TMEM65: variants seen among roughly 807,000 people sequenced by gnomAD.
TMEM65 encodes transmembrane protein 65.
Under a neutral mutation model 25.4 loss-of-function variants are expected in TMEM65, and 22 were observed. The observed-to-expected ratio is 0.86, with a 90% CI of 0.62 to 1.23. The LOEUF (loss-of-function observed/expected upper bound fraction) is 1.23. Among genes scored for constraint, TMEM65 ranks in the 50% most tolerant of loss-of-function variants. The probability of loss-of-function intolerance (pLI) is 0.00; values close to 1 mark genes in which losing one functional copy is unlikely to be tolerated. For missense variants in TMEM65, 262 were observed against 308.2 expected, an observed-to-expected ratio of 0.85 and a Z score of 1.12; for synonymous variants, 132 against 126.2, an observed-to-expected ratio of 1.05 and a Z score of -0.31.
At chr8:124,366,394 C>T (rs1184443515) in intron 1 of TMEM65, among the ~76,000 whole-genome samples, 1 of 152,214 alleles carries the variant, frequency 6.6e-6, no homozygotes, top group African/African-American at 2.4e-5. Flanking sequence ...GCCCTCCAGC[C>T]ATCCACCAAA....
intron 1 of TMEM65, among the ~76,000 whole-genome samples, chr8:124,351,798 G>C (rs376398732): frequency 2.6e-5 from 4 of 152,036 alleles, no homozygotes; most frequent in Admixed American, 1.3e-4. Context: ...TGTATATCTG[G>C]AGTCTCTTAA....
At chr8:124,361,476 T>C (rs1586474056) in intron 1 of TMEM65, among the ~76,000 whole-genome samples, 1 of 145,840 alleles carries the variant, frequency 6.9e-6, no homozygotes. Flanking sequence ...AATAAGTTAA[T>C]ATATATAATT....
rs1223234677 is a variant in TMEM65, at chr8:124,323,389, A to C, written c.418-14T>G. ...AATATGGGTTCCCTGAAATATGATA[A>C]AAAATTAATCTTAAAAATTAAAGCT... On this transcript the variant is annotated splice_polypyrimidine_tract_variant and intron_variant, in intron 3 of 6. Transcript: ENST00000297632. 2 of 1,415,442 alleles carry C rather than the reference A, an allele frequency of 1.4e-6. No individual in the cohort carries two copies. Among genetic ancestry groups the C allele is most frequent in the African/African-American group, 2.9e-5 (2 of 69,086 alleles). The allele number at this position is 1,415,442 out of a possible 1,614,324, so 87.7% of individuals were successfully genotyped here.
At chr8:124,371,021 C>T (rs534695073) in intron 1 of TMEM65, among the ~76,000 whole-genome samples, 5 of 152,284 alleles carry the variant, frequency 3.3e-5, no homozygotes, top group Non-Finnish European at 7.4e-5. Context: ...AGCTTTTTCA[C>T]CTAGACTCAA....
chr8:124,331,067 T>A (rs1456203731), intron 1 of TMEM65, among the ~76,000 whole-genome samples: 1 of 151,894 alleles, frequency 6.6e-6, no homozygotes, highest in Non-Finnish European at 1.5e-5. Context: ...TTTTTCAGAT[T>A]TCTTTAAAGT....
At chr8:124,335,824 C>CA (rs1814500478) in intron 1 of TMEM65, among the ~76,000 whole-genome samples, 2 of 151,670 alleles carry the variant, frequency 1.3e-5, no homozygotes, top group South Asian at 4.1e-4. Flanking sequence ...AAAACAGAAA[C>CA]AAAAAACAGA....
chr8:124,324,671 A>C (rs1586458244), intron 3 of TMEM65, among the ~76,000 whole-genome samples: 4 of 152,156 alleles, frequency 2.6e-5, no homozygotes, highest in East Asian at 3.9e-4. Flanking sequence ...CAATACATAC[A>C]TTTAAAAAAT....
Position 124,307,633 on chromosome 8 carries a change from G to A in TMEM65, c.*6327C>T, listed in dbSNP as rs953998083. ...ATTGGAGAAAAGGCGGTCATTATAT[G>A]ACAATTTAAAGCAAAAGGAAGGTGA... On this transcript the variant is annotated 3_prime_UTR_variant, in exon 7 of 7. Transcript: ENST00000297632. 6 of 152,052 alleles carry A rather than the reference G, an allele frequency of 3.9e-5. No individual in the cohort carries two copies. The highest frequency in any genetic ancestry group is 1.4e-4 in the African/African-American group (6 of 41,386). The allele number at this position is 152,052 out of a possible 1,614,324, so 9.4% of individuals were successfully genotyped here.
rs1264900914 is a variant in TMEM65, at chr8:124,313,103, G to A, written c.*857C>T. The A allele has an allele frequency of 6.6e-6, 1 of 151,180 alleles. No individual in the cohort carries two copies. Among genetic ancestry groups the A allele is most frequent in the African/African-American group, 2.4e-5 (1 of 41,168 alleles). 9.4% of individuals were successfully genotyped at this position (151,180 alleles called of 1,614,324 possible). A position where few individuals can be genotyped will look rare whatever the true frequency, so the allele number is the denominator to read the frequency against. ...TATTTTCCACCTTTTTTTAAAAAAA[G>A]CTTTAGTCTCTTAATTTCCAAGCAT... On this transcript the variant is annotated 3_prime_UTR_variant, in exon 7 of 7. Transcript: ENST00000297632.
chr8:124,314,353 C>A (rs75911166), intron 6 of TMEM65, among the ~76,000 whole-genome samples: 1,560 of 152,284 alleles, frequency 0.01, 15 homozygotes, highest in Non-Finnish European at 0.018. Context: ...ACTGAATTGA[C>A]GGGTCTATAT....
At chr8:124,339,461 G>A (rs1351178783) in intron 1 of TMEM65, among the ~76,000 whole-genome samples, 1 of 151,620 alleles carries the variant, frequency 6.6e-6, no homozygotes, top group Non-Finnish European at 1.5e-5. Context: ...TTAAGGTTCA[G>A]AGTGCTGCCC....
intron 1 of TMEM65, among the ~76,000 whole-genome samples, chr8:124,335,130 C>T (rs895139061): frequency 3.3e-5 from 5 of 151,958 alleles, no homozygotes; most frequent in Non-Finnish European, 5.9e-5. Flanking sequence ...GTGGAATAAA[C>T]ATGAAGGAAA....
At chr8:124,339,835 C>T (rs971553281) in intron 1 of TMEM65, among the ~76,000 whole-genome samples, 19 of 151,190 alleles carry the variant, frequency 1.3e-4, no homozygotes, top group African/African-American at 4.4e-4. Flanking sequence ...AGAAAAATTA[C>T]AGGCCCAGAA....
intron 5 of TMEM65, 103 bp downstream of exon 5, chr8:124,322,002 G>A (rs952873257): frequency 5.4e-6 from 5 of 918,282 alleles, no homozygotes; most frequent in African/African-American, 1.7e-5. Context: ...AGAAAACAAA[G>A]AAAAATGAAA....
intron 2 of TMEM65, among the ~76,000 whole-genome samples, chr8:124,328,558 T>C (rs1476530307): frequency 6.6e-6 from 1 of 152,084 alleles, no homozygotes; most frequent in Non-Finnish European, 1.5e-5. Flanking sequence ...ACCACTAACC[T>C]GGAAAGGAAG....
intron 1 of TMEM65, among the ~76,000 whole-genome samples, chr8:124,353,892 A>G (rs6470239): frequency 0.014 from 2,076 of 152,312 alleles, 46 homozygotes; most frequent in East Asian, 0.1. Context: ...TTCACAAAAG[A>G]CTTATAAATT....
chr8:124,363,603 C>T (rs1268923720), intron 1 of TMEM65, among the ~76,000 whole-genome samples: 2 of 151,898 alleles, frequency 1.3e-5, no homozygotes, highest in African/African-American at 4.8e-5. Flanking sequence ...TTTGGGAGGC[C>T]GAGGCGGGCG....
chr8:124,342,694 T>TC (rs767429824), intron 1 of TMEM65, among the ~76,000 whole-genome samples: 1 of 152,114 alleles, frequency 6.6e-6, no homozygotes, highest in African/African-American at 2.4e-5. Flanking sequence ...AGCTCTGCAC[T>TC]CCAAGACTCA....
rs1814329181 is a variant in TMEM65, at chr8:124,323,367, A to G, written c.426T>C (p.His142=). The G allele has an allele frequency of 2.0e-6, 3 of 1,511,118 alleles. No individual in the cohort carries two copies. The allele number at this position is 1,511,118 out of a possible 1,614,324, so 93.6% of individuals were successfully genotyped here. ...AAATAATTCCAATAGACATTTCAAT[A>G]TGGGTTCCCTGAAATATGATAAAAA... ...DNAIMIVAGT[H]IEMSIGIILG... is the part of the protein sequence containing the mutation. The change falls in exon 4 of 7, where the codon CAT becomes CAC. Residue 142 remains histidine, a synonymous_variant. Coordinates refer to ENST00000297632, the MANE Select transcript of TMEM65 (RefSeq NM_194291.3).
Sources: allele counts gnomAD v4.1 joint callset (sites outside exome capture counted in the v4.1 genomes callset), GRCh38; gene constraint gnomAD v4.1.1; transcripts MANE v1.5; gene names NCBI Gene and HGNC (gene_info 2026-07-23, HGNC 2026-07-21).